Variants in SLC27A6 observed in about 807,000 individuals in gnomAD.
The protein encoded by SLC27A6 is long-chain fatty acid transport protein 6.
A neutral mutation model predicts 63.9 loss-of-function variants in SLC27A6; 74 were observed. The observed-to-expected ratio is 1.16, with a 90% CI of 0.96 to 1.40. The LOEUF (loss-of-function observed/expected upper bound fraction) is 1.40. Ranked by LOEUF, SLC27A6 falls within the 40% of genes most tolerant of loss-of-function variation. The pLI is 0.00. For missense variants in SLC27A6, 794 were observed against 732.9 expected, an observed-to-expected ratio of 1.08 and a Z score of -0.96; for synonymous variants, 287 against 260.8, an observed-to-expected ratio of 1.10 and a Z score of -0.97.
Position 129,027,239 on chromosome 5 carries a change from G to A in SLC27A6, c.1362G>A (p.Lys454=), listed in dbSNP as rs1561633988. The A allele has an allele frequency of 3.1e-6, 5 of 1,613,384 alleles. No individual in the cohort carries two copies. The highest frequency in any genetic ancestry group is 2.5e-6 in the Non-Finnish European group (3 of 1,179,452). ...TKDKLLCDVF[K]KGDVYLNTGD... ...ACAAATTGCTTTGTGATGTTTTTAA[G>A]AAGGGAGATGTTTACCTTAATACTG... Residue 454 remains lysine (K), a synonymous_variant, in exon 7 of 10, where the codon AAG becomes AAA. Coordinates refer to ENST00000262462, the MANE Select transcript of SLC27A6 (RefSeq NM_001017372.3).
intron 6 of SLC27A6, 21 bp downstream of exon 6, chr5:129,023,731 C>T: frequency 1.3e-6 from 2 of 1,543,250 alleles, no homozygotes; most frequent in Non-Finnish European, 1.8e-6. Context: ...TATTTGAAGA[C>T]ATCTCCTCAA....
chr5:128,966,071 T>A lies in SLC27A6; in HGVS notation c.-67T>A. ...AGGATCTGCGGTCTCCGTGGAGAGC[T>A]GTGCCTGGAAGAGAAGGACGCTGGT... On this transcript the variant is annotated 5_prime_UTR_variant, in exon 1 of 10. Transcript: ENST00000262462. 6.6e-7 allele frequency: 1 copy of A among 1,506,324 alleles called. No homozygotes were observed. Among genetic ancestry groups the A allele is most frequent in the Non-Finnish European group, 8.8e-7 (1 of 1,130,034 alleles). The allele number at this position is 1,506,324 out of a possible 1,614,324, so 93.3% of individuals were successfully genotyped here.
intron 1 of SLC27A6, among the ~76,000 whole-genome samples, chr5:128,969,035 T>G (rs369908746): frequency 2.6e-5 from 4 of 152,234 alleles, no homozygotes; most frequent in African/African-American, 4.8e-5. Flanking sequence ...TTTCCCCATT[T>G]CTTGTTTTTG....
chr5:128,992,318 G>C (rs998170936), intron 4 of SLC27A6, among the ~76,000 whole-genome samples: 1 of 152,098 alleles, frequency 6.6e-6, no homozygotes, highest in Admixed American at 6.5e-5. Flanking sequence ...CATGAATGGT[G>C]TGCTGGGATA....
intron 4 of SLC27A6, among the ~76,000 whole-genome samples, chr5:129,011,731 C>G (rs566816701): frequency 3.9e-5 from 6 of 152,148 alleles, no homozygotes; most frequent in Non-Finnish European, 8.8e-5. Context: ...GAACACGGCC[C>G]TTAGGAGCTT....
chr5:128,967,773 T>C (rs1749964871), intron 1 of SLC27A6, among the ~76,000 whole-genome samples: 1 of 152,152 alleles, frequency 6.6e-6, no homozygotes, highest in Non-Finnish European at 1.5e-5. Context: ...TTATTTTTTA[T>C]TATTATACTT....
intron 4 of SLC27A6, among the ~76,000 whole-genome samples, chr5:129,000,657 T>C (rs1162276876): frequency 2.0e-5 from 3 of 152,170 alleles, no homozygotes; most frequent in Admixed American, 1.3e-4. Flanking sequence ...GACCCTGCAC[T>C]TTTTGGAACG....
chr5:129,002,448 C>CCCTCTCTTGTTCCTTG (rs1751370452), intron 4 of SLC27A6, among the ~76,000 whole-genome samples: 3 of 151,630 alleles, frequency 2.0e-5, no homozygotes, highest in Non-Finnish European at 4.4e-5. Flanking sequence ...CTCCATTGTT[C>CCCTCTCTTGTTCCTTG]CCTCTCTTGT....
At chr5:128,978,221 A>G (rs541784845) in intron 1 of SLC27A6, among the ~76,000 whole-genome samples, 1 of 152,296 alleles carries the variant, frequency 6.6e-6, no homozygotes, top group Non-Finnish European at 1.5e-5. Flanking sequence ...TTTTATTTTC[A>G]TATTTTGTAT....
chr5:129,020,619 A>AT (rs1210637615), intron 5 of SLC27A6, among the ~76,000 whole-genome samples: 1 of 152,166 alleles, frequency 6.6e-6, no homozygotes, highest in African/African-American at 2.4e-5. Context: ...GATTAATAAA[A>AT]TGGCTCATTT....
At chr5:129,010,706 A>G (rs1226474724) in intron 4 of SLC27A6, among the ~76,000 whole-genome samples, 3 of 152,160 alleles carry the variant, frequency 2.0e-5, no homozygotes, top group Non-Finnish European at 4.4e-5. Flanking sequence ...TGATTCTGTC[A>G]AGAACCTGCA....
chr5:128,976,972 G>A (rs1412591800), intron 1 of SLC27A6, among the ~76,000 whole-genome samples: 6 of 152,158 alleles, frequency 3.9e-5, no homozygotes, highest in Non-Finnish European at 8.8e-5. Flanking sequence ...CCTTGTGGGT[G>A]CCTACTATGT....
rs914674397 is a variant in SLC27A6, at chr5:128,966,152, G to A, written c.15G>A (p.Trp5Ter). The change falls in exon 1 of 10, where the codon TGG becomes TGA. Residue 5 changes from tryptophan (W) to a stop codon, truncating the protein, a stop_gained. Coordinates refer to ENST00000262462, the MANE Select transcript of SLC27A6 (RefSeq NM_001017372.3). LOFTEE classifies it high-confidence loss of function. MLLS[W>*]LTVLGAGMVV... ...CAGTTGCCCCCATGCTTCTGTCATG[G>A]CTAACAGTTCTAGGGGCTGGAATGG... The A allele has an allele frequency of 1.3e-6, 2 of 1,546,672 alleles. No individual in the cohort carries two copies. The highest frequency in any genetic ancestry group is 2.0e-5 in the Admixed American group (1 of 49,370).
At position 128,990,355 on chromosome 5, in the gene SLC27A6, TA is replaced by T; in HGVS notation, c.863del (p.Lys288ArgfsTer18). The T allele has an allele frequency of 6.2e-7, 1 of 1,613,820 alleles. No individual in the cohort carries two copies. The highest frequency in any genetic ancestry group is 8.5e-7 in the Non-Finnish European group (1 of 1,179,924). On this transcript the variant is annotated frameshift_variant, in exon 4 of 10. Transcript: ENST00000262462. LOFTEE classifies it high-confidence loss of function. ...GCVELGATCVLKKKFSASQFW... is the reference protein window; with the variant it reads ...GCVELGATCVXKKKFSASQFW... ...TTTCTTATAGGTGCCACTTGTGTGTTAAAGAAGAAATTTTCAGCAAGCCAGT... is the reference window on the plus strand; with the variant it reads ...TTTCTTATAGGTGCCACTTGTGTGTTAAGAAGAAATTTTCAGCAAGCCAGT...
chr5:128,996,387 T>C (rs187610697), intron 4 of SLC27A6, among the ~76,000 whole-genome samples: 215 of 152,342 alleles, frequency 1.4e-3, no homozygotes, highest in Middle Eastern at 0.01. Flanking sequence ...CTTATGATTC[T>C]GAATACTTTT....
At chr5:129,014,269 C>T (rs1229100633) in intron 4 of SLC27A6, among the ~76,000 whole-genome samples, 1 of 152,132 alleles carries the variant, frequency 6.6e-6, no homozygotes, top group Non-Finnish European at 1.5e-5. Context: ...GACACATAGA[C>T]CAGCGTAGCC....
At chr5:128,989,352 T>C (rs757092403) in intron 3 of SLC27A6, among the ~76,000 whole-genome samples, 1 of 152,186 alleles carries the variant, frequency 6.6e-6, no homozygotes, top group Non-Finnish European at 1.5e-5. Context: ...GTAGATTCCA[T>C]TCATAAACAT....
intron 6 of SLC27A6, among the ~76,000 whole-genome samples, chr5:129,025,557 C>T (rs901554347): frequency 2.0e-5 from 3 of 151,784 alleles, no homozygotes. Context: ...ATTATCTGGG[C>T]CTTTCTTATA....
At position 129,023,842 on chromosome 5, in the gene SLC27A6, TTA is replaced by T. The variant is rs895413779; in HGVS notation, c.1255+137_1255+138del. 43 of 643,048 alleles carry T rather than the reference TTA, an allele frequency of 6.7e-5. No homozygotes were observed. The African/African-American group carries it at 7.9e-4, about 12-fold the overall frequency. 39.8% of individuals were successfully genotyped at this position (643,048 alleles called of 1,614,324 possible). On this transcript the variant is annotated intron_variant, in intron 6 of 9. Transcript: ENST00000262462. ...ACCAAAATTCATGGATGTTTGCTCC[TTA>T]TATAAAATGATACAGTATTTGCCTA... is the stretch of plus-strand genomic sequence containing the variant.
Sources: allele counts gnomAD v4.1 joint callset (sites outside exome capture counted in the v4.1 genomes callset), GRCh38; gene constraint gnomAD v4.1.1; transcripts MANE v1.5; gene names NCBI Gene and HGNC (gene_info 2026-07-23, HGNC 2026-07-21).